The following ARRB1 variants were observed in gnomAD, a reference collection of about 807,000 sequenced individuals.
ARRB1 encodes arrestin beta 1.
ARRB1 carries 21 observed loss-of-function variants against 56.8 expected under a neutral mutation model. That is an observed-to-expected ratio of 0.37 (90% CI 0.26 to 0.53). The LOEUF (loss-of-function observed/expected upper bound fraction) is 0.53. ARRB1 is among the 20% of genes least tolerant of loss of function. ARRB1 has a pLI of 0.88. For synonymous variants in ARRB1, 210 were observed against 218.6 expected (o/e 0.96, Z 0.35); for missense variants, 424 against 553.7 (o/e 0.77, Z 2.35).
chr11:75,303,299 A>G (rs913633516), intron 1 of ARRB1, among the ~76,000 whole-genome samples: 9 of 151,896 alleles, frequency 5.9e-5, no homozygotes, highest in Non-Finnish European at 1.2e-4. Context: ...ACTGTGCCCC[A>G]CTTTTTCCCA....
At chr11:75,307,610 C>A (rs1947061132) in intron 1 of ARRB1, among the ~76,000 whole-genome samples, 1 of 152,208 alleles carries the variant, frequency 6.6e-6, no homozygotes, top group South Asian at 2.1e-4. Context: ...CGATCCCCAT[C>A]TGCTCCCTCT....
intron 7 of ARRB1, among the ~76,000 whole-genome samples, chr11:75,279,134 G>C (rs1460817360): frequency 1.3e-5 from 2 of 152,346 alleles, no homozygotes; most frequent in African/African-American, 2.4e-5. Flanking sequence ...ATTTGTGTAA[G>C]TTCTTTAAGG....
chr11:75,293,997 C>G (rs1465297333), intron 1 of ARRB1, among the ~76,000 whole-genome samples: 1 of 152,196 alleles, frequency 6.6e-6, no homozygotes, highest in East Asian at 1.9e-4. Context: ...GACTCCCACT[C>G]TGACACTGTT....
Position 75,263,581 on chromosome 11 carries a change from TACA to T in ARRB1, c.*2579_*2581del, listed in dbSNP as rs991315953. On this transcript the variant is annotated 3_prime_UTR_variant, in exon 16 of 16. Coordinates refer to ENST00000420843, the MANE Select transcript of ARRB1 (RefSeq NM_004041.5). ...GCAACTGCCCTCTATTACTTATCCC[TACA>T]ACGTTTCCCTGACCATGGGCTTCCT... Among the ~76,000 whole-genome samples the T allele has an allele frequency of 1.3e-5, 2 of 152,116 alleles. No individual in the cohort carries two copies. Among genetic ancestry groups the T allele is most frequent in the African/African-American group, 2.4e-5 (1 of 41,400 alleles).
Position 75,274,369 on chromosome 11 carries a change from C to T in ARRB1, c.777-158G>A, listed in dbSNP as rs1165555281. The stretch of plus-strand genomic sequence containing the variant: ...ACGGACCACTTGGGCCAGCCCAGCT[C>T]GGGCAAGGAGACCACTGCCACTCAA... On this transcript the variant is annotated intron_variant, in intron 10 of 15. Transcript: ENST00000420843. The T allele has an allele frequency of 1.0e-5, 10 of 954,336 alleles. No homozygotes were observed. In the East Asian group the frequency reaches 1.3e-4, roughly 12 times the overall value. 59.1% of individuals were successfully genotyped at this position (954,336 alleles called of 1,614,324 possible). A position where few individuals can be genotyped will look rare whatever the true frequency, so the allele number is the denominator to read the frequency against.
chr11:75,328,910 C>T (rs1428829763), intron 1 of ARRB1, among the ~76,000 whole-genome samples: 1 of 152,144 alleles, frequency 6.6e-6, no homozygotes, highest in Non-Finnish European at 1.5e-5. Context: ...ACAGCAAAAC[C>T]ATTGAGTGGA....
intron 1 of ARRB1, among the ~76,000 whole-genome samples, chr11:75,326,115 G>C (rs994403803): frequency 2.0e-5 from 3 of 152,214 alleles, no homozygotes; most frequent in Admixed American, 6.5e-5. Flanking sequence ...GGTCCCAGGG[G>C]AGGTGGTGCC....
chr11:75,341,753 A>C (rs562946), intron 1 of ARRB1, among the ~76,000 whole-genome samples: 30,565 of 152,206 alleles, frequency 0.2, 3,327 homozygotes, highest in Non-Finnish European at 0.26. Context: ...TCCCTCGCTG[A>C]GGACTAGTTT....
chr11:75,321,705 C>A (rs945558626), intron 1 of ARRB1, among the ~76,000 whole-genome samples: 1 of 152,202 alleles, frequency 6.6e-6, no homozygotes, highest in Non-Finnish European at 1.5e-5. Flanking sequence ...TAGCAGTGCC[C>A]ACCCCATCAG....
chr11:75,320,341 T>G (rs1479012238), intron 1 of ARRB1, among the ~76,000 whole-genome samples: 1 of 151,734 alleles, frequency 6.6e-6, no homozygotes, highest in African/African-American at 2.4e-5. Flanking sequence ...GGAGGAGGAA[T>G]GAGAAAGGAG....
chr11:75,267,589 A>C (rs988299655), intron 15 of ARRB1, 63 bp downstream of exon 15: 1 of 1,481,562 alleles, frequency 6.7e-7, no homozygotes, highest in African/African-American at 1.4e-5. Flanking sequence ...TATGCAAATG[A>C]CCCCCTCCAC....
intron 1 of ARRB1, among the ~76,000 whole-genome samples, chr11:75,297,615 A>C (rs1352499840): frequency 6.6e-6 from 1 of 152,124 alleles, no homozygotes; most frequent in Non-Finnish European, 1.5e-5. Context: ...CTGTAATCCC[A>C]GCACTTTGGG....
intron 4 of ARRB1, 88 bp downstream of exon 4, chr11:75,284,147 T>C (rs1946419473): frequency 2.2e-6 from 3 of 1,350,328 alleles, no homozygotes; most frequent in Non-Finnish European, 3.0e-6. Flanking sequence ...GGGGAACCAG[T>C]GGGGATGGGC....
intron 3 of ARRB1, among the ~76,000 whole-genome samples, chr11:75,284,732 C>T (rs183756852): frequency 1.1e-3 from 173 of 152,068 alleles, no homozygotes; most frequent in African/African-American, 4.0e-3. Flanking sequence ...GGTGAAACAT[C>T]AACTCTACTA....
At chr11:75,301,708 G>A (rs1165611758) in intron 1 of ARRB1, among the ~76,000 whole-genome samples, 1 of 152,160 alleles carries the variant, frequency 6.6e-6, no homozygotes, top group Admixed American at 6.5e-5. Context: ...GGAGGTGCGG[G>A]GAGCAGGTGG....
chr11:75,277,398 GTTGT>G lies in ARRB1; in HGVS notation c.665_668del (p.Asn222ThrfsTer6). The G allele has an allele frequency of 1.2e-6, 2 of 1,614,212 alleles. No homozygotes were observed. The highest frequency in any genetic ancestry group is 1.7e-6 in the Non-Finnish European group (2 of 1,180,024). ...TGATCTTCTTCACCGTCTTGTTGGT[GTTGT>G]TGGTGACGTGGACGTTGACGCTGAT... On this transcript the variant is annotated frameshift_variant, in exon 9 of 16. Coordinates refer to ENST00000420843, the MANE Select transcript of ARRB1 (RefSeq NM_004041.5). LOFTEE classifies it high-confidence loss of function.
chr11:75,344,757 T>C (rs1200834235), intron 1 of ARRB1, among the ~76,000 whole-genome samples: 1 of 151,806 alleles, frequency 6.6e-6, no homozygotes, highest in Non-Finnish European at 1.5e-5. Flanking sequence ...AGGCCCCAAC[T>C]TCAGGAGCCC....
At chr11:75,341,465 C>T (rs553616058) in intron 1 of ARRB1, among the ~76,000 whole-genome samples, 3 of 152,118 alleles carry the variant, frequency 2.0e-5, no homozygotes, top group Non-Finnish European at 4.4e-5. Context: ...AAGCCCTTAC[C>T]CTCTCTGCCC....
chr11:75,337,296 T>G (rs979292128), intron 1 of ARRB1, among the ~76,000 whole-genome samples: 3 of 152,162 alleles, frequency 2.0e-5, no homozygotes, highest in Non-Finnish European at 4.4e-5. Context: ...ACAAAAAATC[T>G]TCGAGGCTGC....
Sources: gnomAD v4.1 joint callset for allele counts (sites outside exome capture counted in the v4.1 genomes callset) on GRCh38, gnomAD v4.1.1 for gene constraint, MANE v1.5 for transcripts, NCBI Gene and HGNC (gene_info 2026-07-23, HGNC 2026-07-21) for gene names.